NCAM1: variants seen among roughly 807,000 people sequenced by gnomAD.
The protein encoded by NCAM1 is antigen recognized by monoclonal antibody 5.1H11.
NCAM1 carries 14 observed loss-of-function variants against 109.8 expected under a neutral mutation model. The observed-to-expected ratio is 0.13, with a 90% CI of 0.08 to 0.20. The LOEUF (loss-of-function observed/expected upper bound fraction) is 0.20, where lower values mean the gene tolerates loss of function less well. Among genes scored for constraint, NCAM1 ranks in the 10% least tolerant of loss-of-function variants. The pLI, the probability that NCAM1 is intolerant of heterozygous loss-of-function variation, is 1.00. For synonymous variants in NCAM1, 418 were observed against 442.9 expected (o/e 0.94, Z 0.70); for missense variants, 774 against 1,109.9 (o/e 0.70, Z 4.30).
chr11:113,218,044 C>T (rs1230780507), intron 8 of NCAM1, among the ~76,000 whole-genome samples: 2 of 152,192 alleles, frequency 1.3e-5, no homozygotes, highest in African/African-American at 4.8e-5. Flanking sequence ...GTGTCCAGGG[C>T]ACTTCAACCC....
intron 1 of NCAM1, among the ~76,000 whole-genome samples, chr11:113,049,175 A>G (rs540233516): frequency 6.6e-6 from 1 of 152,208 alleles, no homozygotes; most frequent in African/African-American, 2.4e-5. Context: ...GGCACTACTA[A>G]ATGGCACTGA....
intron 17 of NCAM1, among the ~76,000 whole-genome samples, chr11:113,268,072 CCT>C (rs1271042898): frequency 6.6e-6 from 1 of 152,148 alleles, no homozygotes; most frequent in Non-Finnish European, 1.5e-5. Context: ...GGCCTGGAGC[CCT>C]GTGTCATGGA....
At chr11:113,071,008 G>C (rs1938237193) in intron 1 of NCAM1, among the ~76,000 whole-genome samples, 1 of 152,144 alleles carries the variant, frequency 6.6e-6, no homozygotes, top group Non-Finnish European at 1.5e-5. Context: ...TAGATGGTTG[G>C]GTTGATCCTA....
At chr11:113,173,058 T>C (rs1943040420) in intron 1 of NCAM1, among the ~76,000 whole-genome samples, 1 of 152,226 alleles carries the variant, frequency 6.6e-6, no homozygotes, top group Admixed American at 6.5e-5. Context: ...AATTTTATAC[T>C]GATGTTCCCT....
rs1311944317 is a variant in NCAM1 at position 113,275,931 on chromosome 11, A to G, written c.*544A>G. 3 of 152,700 alleles carry G rather than the reference A, an allele frequency of 2.0e-5. No homozygotes were observed. Among genetic ancestry groups the G allele is most frequent in the African/African-American group, 7.2e-5 (3 of 41,474 alleles). 9.5% of individuals were successfully genotyped at this position (152,700 alleles called of 1,614,324 possible). A position where few individuals can be genotyped will look rare whatever the true frequency, so the allele number is the denominator to read the frequency against. The stretch of plus-strand genomic sequence containing the variant: ...TCTGTTCACTTTGTATTTGTTCAGT[A>G]TGCAAAGTGTGTCACCCTTTCTAGC... On this transcript the variant is annotated 3_prime_UTR_variant, in exon 20 of 20. Coordinates refer to ENST00000316851, the MANE Select transcript of NCAM1 (RefSeq NM_181351.5).
At chr11:113,041,326 G>A (rs7105462) in intron 1 of NCAM1, 70,901 of 151,972 alleles carry the variant, frequency 0.47, 17,693 homozygotes, top group Middle Eastern at 0.63. Flanking sequence ...CATTAGAAGC[G>A]CTGGCAAGAG....
chr11:113,211,392 T>C (rs566177690), intron 7 of NCAM1, among the ~76,000 whole-genome samples: 1 of 152,234 alleles, frequency 6.6e-6, no homozygotes, highest in South Asian at 2.1e-4. Context: ...AGAGACTTTA[T>C]GACATCATTT....
intron 9 of NCAM1, among the ~76,000 whole-genome samples, chr11:113,227,185 C>T (rs1944877344): frequency 6.6e-6 from 1 of 151,570 alleles, no homozygotes; most frequent in Admixed American, 6.6e-5. Context: ...AGACCACTAG[C>T]AAGACTAATA....
Position 112,962,407 on chromosome 11 carries a change from G to A in NCAM1, c.52+743G>A, listed in dbSNP as rs534627674. On this transcript the variant is annotated intron_variant, in intron 1 of 19. Transcript: ENST00000316851. This position sits in a 1 kb window ranked among gnomAD's most constrained non-coding sequence, Gnocchi z 5.6. ...CAGGAGGAAGTGCGGAGGGGCGGAGGGCGAGGAGGGCGTGATTGGGGCTGC... is the reference window on the plus strand; with the variant it reads ...CAGGAGGAAGTGCGGAGGGGCGGAGAGCGAGGAGGGCGTGATTGGGGCTGC... Among the ~76,000 whole-genome samples the A allele has an allele frequency of 6.6e-6, 1 of 152,110 alleles. No individual in the cohort carries two copies. Among genetic ancestry groups the A allele is most frequent in the Admixed American group, 6.5e-5 (1 of 15,296 alleles).
chr11:113,057,265 CCAGA>C (rs1555082748), intron 1 of NCAM1, among the ~76,000 whole-genome samples: 2 of 151,936 alleles, frequency 1.3e-5, no homozygotes, highest in Non-Finnish European at 2.9e-5. Flanking sequence ...TGAGGAGCGC[CCAGA>C]CAGAGAGGGG....
chr11:113,272,960 C>T (rs1027722702), intron 19 of NCAM1: 11 of 456,722 alleles, frequency 2.4e-5, no homozygotes, highest in Admixed American at 7.0e-5. Context: ...CGGCCACTGT[C>T]GAGGACATGC....
intron 1 of NCAM1, among the ~76,000 whole-genome samples, chr11:112,996,696 GAGGCT>G (rs1480244542): frequency 6.6e-6 from 1 of 152,142 alleles, no homozygotes; most frequent in Non-Finnish European, 1.5e-5. Flanking sequence ...CATCATTAAG[GAGGCT>G]AGGCATTTTC....
intron 1 of NCAM1, among the ~76,000 whole-genome samples, chr11:113,004,310 T>C (rs1057146995): frequency 1.3e-5 from 2 of 152,064 alleles, no homozygotes; most frequent in Admixed American, 6.5e-5. Context: ...CTGGCCAAGA[T>C]GGTGAAACCC....
At chr11:113,196,727 G>T (rs914586929) in intron 1 of NCAM1, among the ~76,000 whole-genome samples, 1 of 152,192 alleles carries the variant, frequency 6.6e-6, no homozygotes, top group African/African-American at 2.4e-5. Context: ...GGTAGTCTGG[G>T]CTGGTGTCCT....
intron 1 of NCAM1, among the ~76,000 whole-genome samples, chr11:113,124,129 A>G (rs1056346908): frequency 6.6e-6 from 1 of 152,172 alleles, no homozygotes; most frequent in African/African-American, 2.4e-5. Flanking sequence ...TGCTAGGGAA[A>G]GAAGAAGGGA....
chr11:113,128,121 A>C (rs545285949), intron 1 of NCAM1, among the ~76,000 whole-genome samples: 212 of 152,076 alleles, frequency 1.4e-3, no homozygotes, highest in African/African-American at 4.7e-3. Context: ...TGCACCATTC[A>C]CCCCAATCAC....
chr11:113,189,372 C>T (rs1943607285), intron 1 of NCAM1, among the ~76,000 whole-genome samples: 1 of 150,296 alleles, frequency 6.7e-6, no homozygotes. Flanking sequence ...ATCACTTGAA[C>T]CCAGGAGGCA....
intron 1 of NCAM1, among the ~76,000 whole-genome samples, chr11:113,090,379 G>A (rs1555089127): frequency 6.6e-6 from 1 of 152,190 alleles, no homozygotes; most frequent in African/African-American, 2.4e-5. Context: ...AAGCAGGACA[G>A]CATAGTTTAT....
intron 1 of NCAM1, among the ~76,000 whole-genome samples, chr11:113,128,611 A>T (rs1278071461): frequency 1.1e-4 from 17 of 152,156 alleles, no homozygotes; most frequent in Admixed American, 9.2e-4. Context: ...TGCCCCCTTC[A>T]TAGGCATGCC....
Sources: allele counts gnomAD v4.1 joint callset (sites outside exome capture counted in the v4.1 genomes callset), GRCh38; gene constraint gnomAD v4.1.1; non-coding constraint Gnocchi (gnomAD v3.1); transcripts MANE v1.5; gene names NCBI Gene and HGNC (gene_info 2026-07-23, HGNC 2026-07-21).